EBF3: variants seen among roughly 807,000 people sequenced by gnomAD.
EBF3 encodes the protein EBF transcription factor 3.
A neutral mutation model predicts 77.1 loss-of-function variants in EBF3; 18 were observed. That is an observed-to-expected ratio of 0.23 (90% CI 0.16 to 0.35). The LOEUF (loss-of-function observed/expected upper bound fraction) is 0.35. EBF3 is among the 10% of genes least tolerant of loss of function. The probability of loss-of-function intolerance (pLI) is 1.00; values close to 1 mark genes in which losing one functional copy is unlikely to be tolerated. For synonymous variants in EBF3, 350 were observed against 343.5 expected (o/e 1.02, Z -0.21); for missense variants, 558 against 860.0 (o/e 0.65, Z 4.39).
rs1052983792 is a variant in EBF3, at chr10:129,935,577, T to C, written c.554+21681A>G. ...TATGTAAGGCATGGGGTTAGATACATGCACCCCACAAGGCTGGCGGGCAGC... is the reference window on the plus strand; with the variant it reads ...TATGTAAGGCATGGGGTTAGATACACGCACCCCACAAGGCTGGCGGGCAGC... On this transcript the variant is annotated intron_variant, in intron 6 of 16. Transcript: ENST00000440978. This position sits in a 1 kb window ranked among gnomAD's most constrained non-coding sequence, Gnocchi z 4.2. Among the ~76,000 whole-genome samples, 2 of 152,182 alleles carry C rather than the reference T, an allele frequency of 1.3e-5. No homozygotes were observed. The highest frequency in any genetic ancestry group is 1.9e-4 in the East Asian group (1 of 5,180).
intron 6 of EBF3, among the ~76,000 whole-genome samples, chr10:129,887,838 G>A (rs966842766): frequency 3.3e-5 from 5 of 152,136 alleles, no homozygotes; most frequent in African/African-American, 1.2e-4. Context: ...TCCTTTCAGA[G>A]CGTTGACTAT....
At chr10:129,956,011 T>C (rs1859010077) in intron 6 of EBF3, among the ~76,000 whole-genome samples, 1 of 152,250 alleles carries the variant, frequency 6.6e-6, no homozygotes, top group Non-Finnish European at 1.5e-5. Context: ...GTTCGAGTTC[T>C]ATAAAGTGTT....
intron 4 of EBF3, among the ~76,000 whole-genome samples, chr10:129,959,827 GC>G (rs1481872442): frequency 2.0e-5 from 3 of 152,032 alleles, no homozygotes; most frequent in Non-Finnish European, 4.4e-5. Context: ...GCCCGAGCCC[GC>G]GCGGCCACGT....
At chr10:129,959,052 G>A (rs1401424836) in intron 4 of EBF3, 45 bp from the exon 5 acceptor site, 1 of 1,595,210 alleles carries the variant, frequency 6.3e-7, no homozygotes. Context: ...GGCGCCCGCG[G>A]CTTTGGCGCC....
chr10:129,942,752 T>C (rs577776472), intron 6 of EBF3, among the ~76,000 whole-genome samples: 1 of 152,292 alleles, frequency 6.6e-6, no homozygotes, highest in Non-Finnish European at 1.5e-5. Context: ...ATCAGTAAGA[T>C]CTTACTTTTA....
rs113461629 is a variant in EBF3 at position 129,926,546 on chromosome 10, ACAGGGAAGCATCT to A, written c.554+30699_554+30711del. Among the ~76,000 whole-genome samples the A allele has an allele frequency of 5.5e-3, 839 of 152,294 alleles. 14 individuals are homozygous for A. The highest frequency in any genetic ancestry group is 0.019 in the African/African-American group (786 of 41,562). ...AAACCTCGTGTCACCCCAAAGCTCC[ACAGGGAAGCATCT>A]CAGGGCTTGGGGGGTGGAGACAGCC... On this transcript the variant is annotated intron_variant, in intron 6 of 16. Coordinates refer to ENST00000440978, the MANE Select transcript of EBF3 (RefSeq NM_001375380.1).
At chr10:129,868,062 T>C in intron 8 of EBF3, 150 bp from the exon 9 acceptor site, 1 of 1,067,244 alleles carries the variant, frequency 9.4e-7, no homozygotes, top group Non-Finnish European at 1.3e-6. Flanking sequence ...TAGATCAGCA[T>C]GTTGATGTGT....
intron 6 of EBF3, among the ~76,000 whole-genome samples, chr10:129,924,453 C>A (rs867867715): frequency 0.024 from 3,286 of 139,550 alleles, 54 homozygotes; most frequent in Non-Finnish European, 0.033. Context: ...AAACAAAAAA[C>A]AAAAAACAGA....
At chr10:129,927,480 T>C (rs1010905545) in intron 6 of EBF3, among the ~76,000 whole-genome samples, 44 of 152,138 alleles carry the variant, frequency 2.9e-4, no homozygotes, top group African/African-American at 9.9e-4. Context: ...CGTGGTTCCA[T>C]CTACTAAGCC....
intron 6 of EBF3, among the ~76,000 whole-genome samples, chr10:129,883,948 C>T (rs771665848): frequency 6.6e-6 from 1 of 152,228 alleles, no homozygotes; most frequent in Non-Finnish European, 1.5e-5. Context: ...CAAAAAACGT[C>T]CTGCCCCGAA....
chr10:129,960,335 T>C (rs1859409592), intron 4 of EBF3, among the ~76,000 whole-genome samples: 1 of 152,040 alleles, frequency 6.6e-6, no homozygotes, highest in Non-Finnish European at 1.5e-5. Flanking sequence ...AGCCCGGGGC[T>C]GCCCTCCTGG....
chr10:129,932,895 CTTTT>C (rs35568967), intron 6 of EBF3, among the ~76,000 whole-genome samples: 1 of 126,424 alleles, frequency 7.9e-6, no homozygotes, highest in African/African-American at 3.0e-5. Context: ...CTTTTTTTTC[CTTTT>C]TTTTTTTTTT....
chr10:129,873,552 G>C lies in EBF3; in HGVS notation c.681C>G (p.Ala227=), dbSNP rs150383257. The part of the protein sequence containing the change: ...TTVNVDGHVL[A]VSDNMFVHNN... ...TGTGCACAAACATGTTGTCTGACAC[G>C]GCCAGCACGTGGCCGTCCACGTTGA... The change falls in exon 8 of 17, where the codon GCC becomes GCG. Residue 227 remains alanine, a synonymous_variant. Coordinates refer to ENST00000440978, the MANE Select transcript of EBF3 (RefSeq NM_001375380.1). The C allele has an allele frequency of 1.3e-6, 2 of 1,583,398 alleles. No homozygotes were observed. The highest frequency in any genetic ancestry group is 2.3e-5 in the East Asian group (1 of 43,098).
chr10:129,874,958 T>C (rs1446427213), intron 7 of EBF3, among the ~76,000 whole-genome samples: 5 of 152,188 alleles, frequency 3.3e-5, no homozygotes, highest in Non-Finnish European at 7.3e-5. Flanking sequence ...GCGATCTCTG[T>C]ACTTTCTGCG....
At chr10:129,909,559 C>A (rs1456573002) in intron 6 of EBF3, among the ~76,000 whole-genome samples, 1 of 152,212 alleles carries the variant, frequency 6.6e-6, no homozygotes, top group Non-Finnish European at 1.5e-5. Flanking sequence ...ATCTTTGGAG[C>A]AGCAGCTAAG....
In EBF3 at chr10:129,840,234, A is replaced by G. The variant is rs1308425423; in HGVS notation, c.1759+11T>C. On this transcript the variant is annotated intron_variant, in intron 15 of 16. Transcript: ENST00000440978. ...ACCCAGCACTGGCCCACGGCCCCGCACCACCCTCACCTTGCAGTCCATTCC... is the reference window on the plus strand; with the variant it reads ...ACCCAGCACTGGCCCACGGCCCCGCGCCACCCTCACCTTGCAGTCCATTCC... 2 of 1,470,558 alleles carry G rather than the reference A, an allele frequency of 1.4e-6. No individual in the cohort carries two copies. Among genetic ancestry groups the G allele is most frequent in the Non-Finnish European group, 1.8e-6 (2 of 1,099,108 alleles). The allele number at this position is 1,470,558 out of a possible 1,614,324, so 91.1% of individuals were successfully genotyped here.
At position 129,938,378 on chromosome 10, in the gene EBF3, TAAAA is replaced by T. The variant is rs71007573; in HGVS notation, c.554+18876_554+18879del. 2.2e-5 allele frequency among the ~76,000 whole-genome samples: 3 copies of T among 136,932 alleles called. No individual in the cohort carries two copies. Among genetic ancestry groups the T allele is most frequent in the Non-Finnish European group, 4.7e-5 (3 of 64,218 alleles). 89.8% of individuals were successfully genotyped at this position (136,932 alleles called of 152,430 possible). A position where few individuals can be genotyped will look rare whatever the true frequency, so the allele number is the denominator to read the frequency against. On this transcript the variant is annotated intron_variant, in intron 6 of 16. Coordinates refer to ENST00000440978, the MANE Select transcript of EBF3 (RefSeq NM_001375380.1). This position sits in a 1 kb window ranked among gnomAD's most constrained non-coding sequence, Gnocchi z 5.1. ...AACATGGCAAAACCCCATCTCTATT[TAAAA>T]AAAAAAAAAAAAAAGACAAAAATTA...
chr10:129,882,994 G>C (rs941270358), intron 6 of EBF3, among the ~76,000 whole-genome samples: 2 of 152,198 alleles, frequency 1.3e-5, no homozygotes, highest in Admixed American at 1.3e-4. Context: ...CTTGGCGGTC[G>C]CACCCTGGTG....
intron 15 of EBF3, among the ~76,000 whole-genome samples, chr10:129,839,838 T>C (rs1849886500): frequency 6.6e-6 from 1 of 152,188 alleles, no homozygotes; most frequent in African/African-American, 2.4e-5. Context: ...GCCCAGGAGC[T>C]ATGGGCAGGG....
Sources: allele counts gnomAD v4.1 joint callset (sites outside exome capture counted in the v4.1 genomes callset), GRCh38; gene constraint gnomAD v4.1.1; non-coding constraint Gnocchi (gnomAD v3.1); transcripts MANE v1.5; gene names NCBI Gene and HGNC (gene_info 2026-07-23, HGNC 2026-07-21).